Variants in FRMD4A observed in about 807,000 individuals in gnomAD.
FRMD4A encodes FERM domain containing 4A.
A neutral mutation model predicts 129.1 loss-of-function variants in FRMD4A; 29 were observed. The ratio of observed to expected loss-of-function variants is 0.22; its 90% CI spans 0.17 to 0.31. The LOEUF (loss-of-function observed/expected upper bound fraction) is 0.31. Among genes scored for constraint, FRMD4A ranks in the 10% least tolerant of loss-of-function variants. The pLI, the probability that FRMD4A is intolerant of heterozygous loss-of-function variation, is 1.00. For missense variants in FRMD4A, 1,272 were observed against 1,375.8 expected, an observed-to-expected ratio of 0.92 and a Z score of 1.19; for synonymous variants, 634 against 571.6, an observed-to-expected ratio of 1.11 and a Z score of -1.56.
chr10:14,156,628 C>G (rs1164002903), intron 2 of FRMD4A, among the ~76,000 whole-genome samples: 1 of 152,134 alleles, frequency 6.6e-6, no homozygotes, highest in Non-Finnish European at 1.5e-5. Context: ...TCTTAAGCTA[C>G]AAAGAGATCT....
At chr10:13,669,817 C>CA (rs1229174412) in intron 17 of FRMD4A, among the ~76,000 whole-genome samples, 1 of 152,146 alleles carries the variant, frequency 6.6e-6, no homozygotes, top group Non-Finnish European at 1.5e-5. Flanking sequence ...CTGAAGTCTC[C>CA]AGCCCCATCT....
At chr10:13,659,706 G>C (rs2082477907) in intron 20 of FRMD4A, among the ~76,000 whole-genome samples, 1 of 151,724 alleles carries the variant, frequency 6.6e-6, no homozygotes, top group African/African-American at 2.4e-5. Flanking sequence ...GAAAACCCTG[G>C]TCAGCCTTCT....
rs374016166 is a variant in FRMD4A at position 13,715,277 on chromosome 10, G to A, written c.760-8164C>T. On this transcript the variant is annotated intron_variant, in intron 12 of 24. Coordinates refer to ENST00000357447, the MANE Select transcript of FRMD4A (RefSeq NM_018027.5). ...CTCTCTAAAACGAGGGGGTGTGTGG[G>A]CATTCCTACATTCTGTGCATGGGTT... Among the ~76,000 whole-genome samples the A allele has an allele frequency of 2.0e-5, 3 of 152,118 alleles. No individual in the cohort carries two copies. In the East Asian group the frequency reaches 5.8e-4, roughly 29 times the overall value.
At chr10:14,179,149 C>A (rs1399232106) in intron 2 of FRMD4A, among the ~76,000 whole-genome samples, 3 of 152,160 alleles carry the variant, frequency 2.0e-5, no homozygotes, top group African/African-American at 7.2e-5. Context: ...TTCTTCCCCA[C>A]ATCTTTGCCA....
chr10:14,052,175 T>A (rs1392001572), intron 2 of FRMD4A, among the ~76,000 whole-genome samples: 6 of 152,032 alleles, frequency 3.9e-5, no homozygotes. Context: ...TGGAACACAC[T>A]CTCCCTTGAG....
chr10:13,957,188 A>G (rs916176057), intron 2 of FRMD4A, among the ~76,000 whole-genome samples: 4 of 152,230 alleles, frequency 2.6e-5, no homozygotes, highest in Non-Finnish European at 5.9e-5. Context: ...TGAAACTTTC[A>G]ACAAACAGGC....
At chr10:13,701,282 T>G in intron 14 of FRMD4A, 58 bp downstream of exon 14, 1 of 1,546,074 alleles carries the variant, frequency 6.5e-7, no homozygotes. Context: ...CGATCCTCAT[T>G]CCTAAACTAA....
chr10:14,306,648 T>C (rs965469528), intron 2 of FRMD4A, among the ~76,000 whole-genome samples: 1 of 152,224 alleles, frequency 6.6e-6, no homozygotes, highest in Non-Finnish European at 1.5e-5. Context: ...TGAAGTTCAT[T>C]GTTTGATCCT....
At chr10:13,796,616 G>C in intron 4 of FRMD4A, 28 bp from the exon 5 acceptor site, 1 of 1,265,574 alleles carries the variant, frequency 7.9e-7, no homozygotes, top group Non-Finnish European at 1.2e-6. Context: ...AAATTGGTTA[G>C]GGGTTTGCAT....
chr10:14,185,617 GATAT>G (rs10534116), intron 2 of FRMD4A, among the ~76,000 whole-genome samples: 1 of 151,954 alleles, frequency 6.6e-6, no homozygotes, highest in Non-Finnish European at 1.5e-5. Context: ...ACAGAAAGGG[GATAT>G]ATACTTCATG....
At chr10:14,123,596 G>A (rs1355731424) in intron 2 of FRMD4A, among the ~76,000 whole-genome samples, 2 of 152,142 alleles carry the variant, frequency 1.3e-5, no homozygotes, top group Non-Finnish European at 2.9e-5. Context: ...AGGGGCCCAG[G>A]TTGGTCTCCT....
At chr10:13,854,111 C>A (rs553113294) in intron 3 of FRMD4A, among the ~76,000 whole-genome samples, 1 of 152,198 alleles carries the variant, frequency 6.6e-6, no homozygotes, top group East Asian at 1.9e-4. Flanking sequence ...AGTCCAGAAT[C>A]TTTCCTACTA....
At chr10:13,794,158 G>A (rs1395548774) in intron 5 of FRMD4A, among the ~76,000 whole-genome samples, 3 of 152,062 alleles carry the variant, frequency 2.0e-5, no homozygotes, top group South Asian at 4.1e-4. Context: ...TTGGGAGGCC[G>A]AGGCGGATGG....
At chr10:14,321,850 G>A (rs1409685691) in intron 2 of FRMD4A, among the ~76,000 whole-genome samples, 4 of 152,154 alleles carry the variant, frequency 2.6e-5, no homozygotes, top group Admixed American at 6.5e-5. Flanking sequence ...CCTGGTGGGA[G>A]GTGATTGTAT....
chr10:14,083,097 C>T (rs1170026298), intron 2 of FRMD4A: 2 of 152,214 alleles, frequency 1.3e-5, no homozygotes, highest in Non-Finnish European at 2.9e-5. Flanking sequence ...ATCACTAAAA[C>T]ACTTCTGGAA....
At chr10:14,035,778 T>C (rs1833470283) in intron 2 of FRMD4A, among the ~76,000 whole-genome samples, 1 of 152,186 alleles carries the variant, frequency 6.6e-6, no homozygotes, top group Admixed American at 6.5e-5. Flanking sequence ...TCCTATGAAA[T>C]AGACTAAAGA....
At chr10:14,093,101 A>C (rs766268547) in intron 2 of FRMD4A, among the ~76,000 whole-genome samples, 8 of 152,070 alleles carry the variant, frequency 5.3e-5, no homozygotes, top group Non-Finnish European at 1.0e-4. Context: ...GAGAGAGGGG[A>C]GGTACAGAGG....
At chr10:13,648,872 G>A (rs1272195899) in intron 24 of FRMD4A, 1 of 152,166 alleles carries the variant, frequency 6.6e-6, no homozygotes, top group African/African-American at 2.4e-5. Context: ...TGAGATCTTA[G>A]GAACACTTAG....
intron 12 of FRMD4A, among the ~76,000 whole-genome samples, chr10:13,723,515 G>T (rs1329011232): frequency 1.3e-5 from 2 of 152,192 alleles, no homozygotes; most frequent in Non-Finnish European, 2.9e-5. Context: ...GAGTTCTGAA[G>T]ATCTGTTGCG....
Sources: gnomAD v4.1 joint callset for allele counts (sites outside exome capture counted in the v4.1 genomes callset) on GRCh38, gnomAD v4.1.1 for gene constraint, MANE v1.5 for transcripts, NCBI Gene and HGNC (gene_info 2026-07-23, HGNC 2026-07-21) for gene names.